The following DHX34 variants were observed in gnomAD, a reference collection of about 807,000 sequenced individuals.
DHX34 encodes DExH-box helicase 34.
Under a neutral mutation model 111.1 loss-of-function variants are expected in DHX34, and 96 were observed. The ratio of observed to expected loss-of-function variants is 0.86; its 90% confidence interval spans 0.73 to 1.02. The LOEUF (loss-of-function observed/expected upper bound fraction) is 1.02. Among genes scored for constraint, DHX34 ranks in the 50% least tolerant of loss-of-function variants. The probability of loss-of-function intolerance (pLI) is 0.00; values close to 1 mark genes in which losing one functional copy is unlikely to be tolerated. For synonymous variants in DHX34, 688 were observed against 670.4 expected (o/e 1.03, Z -0.41); for missense variants, 1,560 against 1,579.9 (o/e 0.99, Z 0.21).
chr19:47,350,950 G>A (rs1969266278), intron 1 of DHX34, among the ~76,000 whole-genome samples: 1 of 151,832 alleles, frequency 6.6e-6, no homozygotes, highest in African/African-American at 2.4e-5. Flanking sequence ...AGAGATGGAG[G>A]GGACAGAGGG....
At chr19:47,367,273 C>T in intron 7 of DHX34, 118 bp downstream of exon 7, 2 of 1,101,788 alleles carry the variant, frequency 1.8e-6, no homozygotes, top group East Asian at 3.2e-5. Context: ...TTCATTTATT[C>T]ACTCTTCACT....
In DHX34 at chr19:47,372,820, G is replaced by A. The variant is rs201148024; in HGVS notation, c.1859G>A (p.Arg620His). The A allele has an allele frequency of 1.2e-5, 19 of 1,612,968 alleles. No individual in the cohort carries two copies. The highest frequency in any genetic ancestry group is 2.7e-5 in the African/African-American group (2 of 75,062). The change falls in exon 8 of 17, where the codon CGC (arginine) becomes CAC (histidine). Residue 620 changes from arginine (R) to histidine (H), a missense_variant. Transcript: ENST00000328771. ...AALSVQSPFT[R>H]SAQSSPECAA... is the part of the protein sequence containing the mutation. ...CTTAGCGTCCAGTCGCCCTTCACCC[G>A]CAGCGCCCAGAGCAGCCCAGAGTGC...
intron 7 of DHX34, among the ~76,000 whole-genome samples, chr19:47,368,792 G>T (rs949254693): frequency 2.0e-5 from 3 of 150,612 alleles, no homozygotes; most frequent in Non-Finnish European, 4.4e-5. Flanking sequence ...CAGCTCATTG[G>T]AACTTCTGCC....
At position 47,375,613 on chromosome 19, in the gene DHX34, G is replaced by A. The variant is rs769053280; in HGVS notation, c.2212G>A (p.Val738Met). The A allele has an allele frequency of 1.3e-6, 2 of 1,549,810 alleles. No individual in the cohort carries two copies. The highest frequency in any genetic ancestry group is 1.7e-6 in the Non-Finnish European group (2 of 1,150,518). ...HEEGAGRRRK[V>M]LRLQEEQDGG... ...GGAGGGCGCGGGGCGCAGGCGCAAG[G>A]TGCTGCGGCTGCAGGAGGAGCAGGA... is the stretch of plus-strand genomic sequence containing the variant. The change falls in exon 10 of 17, where the codon GTG (valine) becomes ATG (methionine). Residue 738 changes from valine to methionine, a missense_variant. Transcript: ENST00000328771.
intron 2 of DHX34, among the ~76,000 whole-genome samples, chr19:47,354,622 A>G (rs1969394238): frequency 6.6e-6 from 1 of 152,122 alleles, no homozygotes; most frequent in African/African-American, 2.4e-5. Context: ...TCTGATGGGT[A>G]GGCATGGTAT....
intron 7 of DHX34, among the ~76,000 whole-genome samples, chr19:47,370,161 C>T (rs1969921166): frequency 6.6e-6 from 1 of 152,182 alleles, no homozygotes; most frequent in Non-Finnish European, 1.5e-5. Context: ...GAATGTGACG[C>T]AAAGTGCCCT....
intron 11 of DHX34, 22 bp from the exon 12 acceptor site, chr19:47,376,421 G>A (rs1970158531): frequency 3.1e-6 from 5 of 1,605,692 alleles, no homozygotes; most frequent in Non-Finnish European, 3.4e-6. Context: ...GAGGGCTTGT[G>A]CTTTCTCTCT....
At chr19:47,351,976 CTTT>C (rs778153000) in intron 1 of DHX34, among the ~76,000 whole-genome samples, 3 of 152,170 alleles carry the variant, frequency 2.0e-5, no homozygotes, top group Non-Finnish European at 4.4e-5. Flanking sequence ...AAAATTTTGC[CTTT>C]TATCTCAATG....
chr19:47,363,019 C>T (rs907151054), intron 6 of DHX34, among the ~76,000 whole-genome samples: 6 of 152,066 alleles, frequency 3.9e-5, no homozygotes, highest in African/African-American at 1.4e-4. Flanking sequence ...GGTGCGATCT[C>T]GGCTCACTGA....
In DHX34 at chr19:47,372,854, A is replaced by C. The variant is rs989215424; in HGVS notation, c.1893A>C (p.Ala631=). ...AGAGCAGCCCAGAGTGCGCGGCAGC[A>C]CGGCGGCCGCTGGAGAGCGACCAGG... ...SAQSSPECAA[A]RRPLESDQGD... The change falls in exon 8 of 17, where the codon GCA becomes GCC. Residue 631 remains alanine, a synonymous_variant. Transcript: ENST00000328771. 3 of 1,611,676 alleles carry C rather than the reference A, an allele frequency of 1.9e-6. No homozygotes were observed. The highest frequency in any genetic ancestry group is 2.7e-5 in the African/African-American group (2 of 75,062).
intron 7 of DHX34, chr19:47,372,528 C>T (rs895766473): frequency 2.3e-6 from 2 of 885,128 alleles, no homozygotes; most frequent in Admixed American, 6.2e-5. Context: ...AATGGGGAAA[C>T]TGAGGCCCTT....
chr19:47,377,878 C>T (rs12611421), intron 13 of DHX34, among the ~76,000 whole-genome samples: 33,800 of 151,840 alleles, frequency 0.22, 5,410 homozygotes, highest in East Asian at 0.45. Context: ...GCATGGGCAC[C>T]GGCAGCAGAG....
Position 47,353,377 on chromosome 19 carries a change from G to A in DHX34, c.347G>A (p.Arg116Gln), listed in dbSNP as rs753810442. ...CTCTCTGTTCTTGGCCCTGCCACGC[G>A]GGGCTCTCAGGGACTGGGCAGGCAC... The part of the protein sequence containing the change: ...INLSVLGPAT[R>Q]GSQGLGRHLP... The change falls in exon 2 of 17, where the codon CGG becomes CAG. Residue 116 changes from arginine to glutamine, a missense_variant. Physicochemically the swap from Arg to Gln is conservative, Grantham distance 43. Transcript: ENST00000328771. This position sits in a 1 kb window ranked among gnomAD's most constrained non-coding sequence, Gnocchi z 4.6. The A allele has an allele frequency of 7.6e-5, 122 of 1,614,040 alleles. No individual in the cohort carries two copies. Among genetic ancestry groups the A allele is most frequent in the Non-Finnish European group, 9.3e-5 (110 of 1,180,054 alleles).
Position 47,382,166 on chromosome 19 carries a change from A to G in DHX34, c.*53A>G. On this transcript the variant is annotated 3_prime_UTR_variant, in exon 17 of 17. Transcript: ENST00000328771. ...GTGCAGCTGACCTGCCCTCCAGCCC[A>G]GGACTAGGGGCAGGACTCTTGCCTG... The G allele has an allele frequency of 4.4e-6, 7 of 1,604,534 alleles. No homozygotes were observed. The highest frequency in any genetic ancestry group is 6.0e-6 in the Non-Finnish European group (7 of 1,175,330).
chr19:47,375,536 TGCAGCAGCG>T lies in DHX34; in HGVS notation c.2136_2144del (p.Leu712_Arg715delinsPhe). 1 of 1,560,182 alleles carries T rather than the reference TGCAGCAGCG, an allele frequency of 6.4e-7. No individual in the cohort carries two copies. The highest frequency in any genetic ancestry group is 1.2e-5 in the South Asian group (1 of 85,954). On this transcript the variant is annotated inframe_deletion, in exon 10 of 17. Coordinates refer to ENST00000328771, the MANE Select transcript of DHX34 (RefSeq NM_014681.6). Reference sequence around the variant, plus strand: ...CAGGTAGGGGACAGCTACAGTCGGTTGCAGCAGCGCCGGGAGCGCCGGGCCCTGCACCAG... The same window carrying T: ...CAGGTAGGGGACAGCTACAGTCGGTTCCGGGAGCGCCGGGCCCTGCACCAG...
Position 47,367,129 on chromosome 19 carries a change from C to T in DHX34, c.1742C>T (p.Ala581Val), listed in dbSNP as rs368492075. The change falls in exon 7 of 17, where the codon GCC becomes GTC. Residue 581 changes from alanine to valine, a missense_variant. Transcript: ENST00000328771. ...CTCACACCCATTGGGTCCCTGCTAG[C>T]CCAGCTGCCTGTGGACGTTGTGATT... ...EALTPIGSLL[A>V]QLPVDVVIGK... The T allele has an allele frequency of 6.4e-7, 1 of 1,567,406 alleles. No homozygotes were observed. Among genetic ancestry groups the T allele is most frequent in the Non-Finnish European group, 8.6e-7 (1 of 1,156,450 alleles).
chr19:47,357,991 C>T lies in DHX34; in HGVS notation c.1143C>T (p.Leu381=). 1 of 1,613,928 alleles carries T rather than the reference C, an allele frequency of 6.2e-7. No individual in the cohort carries two copies. Among genetic ancestry groups the T allele is most frequent in the Non-Finnish European group, 8.5e-7 (1 of 1,180,042 alleles). ...HKYPPEERGD[L]LVFLSGMAEI... The stretch of plus-strand genomic sequence containing the variant: ...ACCCGCCTGAGGAGCGGGGTGACCT[C>T]CTCGTCTTCCTCAGCGGCATGGCGG... Residue 381 remains leucine (L), a synonymous_variant, in exon 4 of 17, where the codon CTC becomes CTT. Coordinates refer to ENST00000328771, the MANE Select transcript of DHX34 (RefSeq NM_014681.6).
chr19:47,372,257 C>T (rs1969986966), intron 7 of DHX34, among the ~76,000 whole-genome samples: 1 of 151,984 alleles, frequency 6.6e-6, no homozygotes, highest in Admixed American at 6.6e-5. Context: ...CTGTGATAAG[C>T]ACAGGAGTCA....
chr19:47,375,582 G>A lies in DHX34; in HGVS notation c.2181G>A (p.Gln727=). The A allele has an allele frequency of 6.5e-7, 1 of 1,546,466 alleles. No homozygotes were observed. Among genetic ancestry groups the A allele is most frequent in the Non-Finnish European group, 8.7e-7 (1 of 1,149,838 alleles). The change falls in exon 10 of 17, where the codon CAG becomes CAA. Residue 727 remains glutamine (Q), a synonymous_variant. Transcript: ENST00000328771. ...ERRALHQLKR[Q]HEEGAGRRRK... is the part of the protein sequence containing the mutation. ...GGGCCCTGCACCAGCTGAAACGCCAGCACGAGGAGGGCGCGGGGCGCAGGC... is the reference window on the plus strand; with the variant it reads ...GGGCCCTGCACCAGCTGAAACGCCAACACGAGGAGGGCGCGGGGCGCAGGC...
Sources: gnomAD v4.1 joint callset for allele counts (sites outside exome capture counted in the v4.1 genomes callset) on GRCh38, gnomAD v4.1.1 for gene constraint, Gnocchi (gnomAD v3.1) non-coding constraint, MANE v1.5 for transcripts, NCBI Gene and HGNC (gene_info 2026-07-23, HGNC 2026-07-21) for gene names.